RINL: variants seen among roughly 807,000 people sequenced by gnomAD.
RINL encodes Ras and Rab interactor like.
A neutral mutation model predicts 58.1 loss-of-function variants in RINL; 39 were observed. The ratio of observed to expected loss-of-function variants is 0.67; its 90% confidence interval spans 0.52 to 0.88. The LOEUF is 0.88. Ranked by LOEUF, RINL falls within the 40% of genes least tolerant of loss-of-function variation. The pLI is 0.00. For missense variants in RINL, 711 were observed against 749.2 expected (o/e 0.95, Z 0.60); for synonymous variants, 286 against 323.1 (o/e 0.89, Z 1.23).
Position 38,869,986 on chromosome 19 carries a change from C to G in RINL, c.1299G>C (p.Val433=), listed in dbSNP as rs745591768. The stretch of plus-strand genomic sequence containing the variant: ...CCAGGCCCGCATAGACATCTCTGCA[C>G]ACCTCCAAGAGGAGCGCCACCTTGC... ...PRRKVALLLE[V]CRDVYAGLAR... The change falls in exon 9 of 12, where the codon GTG becomes GTC. Residue 433 remains valine (V), a synonymous_variant. Coordinates refer to ENST00000591812, the MANE Select transcript of RINL (RefSeq NM_001195833.2). This position sits in a 1 kb window ranked among gnomAD's most constrained non-coding sequence, Gnocchi z 5.7. 11 of 1,597,504 alleles carry G rather than the reference C, an allele frequency of 6.9e-6. No individual in the cohort carries two copies. In the South Asian group the frequency reaches 1.2e-4, roughly 18 times the overall value.
In RINL at chr19:38,869,135, T is replaced by C; in HGVS notation, c.1670A>G (p.Glu557Gly). The C allele has an allele frequency of 6.2e-7, 1 of 1,612,736 alleles. No homozygotes were observed. Among genetic ancestry groups the C allele is most frequent in the South Asian group, 1.1e-5 (1 of 90,994 alleles). ...GTCACTGGTCCCTGTCACAGTCTCT[T>C]CTGCCCATGGCTCCTTAAAGGGCAG... ...ANLPFKEPWA[E>G]ETVTGTSDN The change falls in exon 12 of 12, where the codon GAA (glutamate) becomes GGA (glycine). Residue 557 changes from glutamate (E) to glycine (G), a missense_variant. Physicochemically the swap from Glu to Gly is moderately conservative, Grantham distance 98 (BLOSUM62 -2). Coordinates refer to ENST00000591812, the MANE Select transcript of RINL (RefSeq NM_001195833.2). The surrounding 1 kb of genome is among the most constrained non-coding windows in gnomAD (Gnocchi z 5.7).
intron 4 of RINL, 24 bp downstream of exon 4, chr19:38,873,861 TG>T: frequency 1.5e-6 from 2 of 1,377,324 alleles, no homozygotes; most frequent in Non-Finnish European, 2.0e-6. Flanking sequence ...GACTGTGGGC[TG>T]GAACCTCAGG....
intron 4 of RINL, chr19:38,873,419 CTGAT>C (rs567877172): frequency 1.4e-4 from 22 of 162,192 alleles, no homozygotes; most frequent in Non-Finnish European, 2.6e-4. Flanking sequence ...TGTATAACAT[CTGAT>C]TGATACTGAA....
chr19:38,869,438 G>A lies in RINL; in HGVS notation c.1475-28C>T. On this transcript the variant is annotated intron_variant, in intron 10 of 11. Coordinates refer to ENST00000591812, the MANE Select transcript of RINL (RefSeq NM_001195833.2). This position sits in a 1 kb window ranked among gnomAD's most constrained non-coding sequence, Gnocchi z 5.7. ...GGGGACAGAAAGGGAAGTCAGCTCC[G>A]CCCTCTCGGCTTCCCTGGTCGCCCC... 6.3e-7 allele frequency: 1 copy of A among 1,577,800 alleles called. No homozygotes were observed.
rs201138591 is a variant in RINL at position 38,870,737 on chromosome 19, G to A, written c.857C>T (p.Ala286Val). ...RQYRSLRVRI[A>V]SDSGGPHGSG... ...CCCGTGGGGACCCCCAGAATCTGAG[G>A]CGATGCGCACCCGAAGGCTTCGGTA... Residue 286 changes from alanine to valine, a missense_variant, in exon 8 of 12, where the codon GCC (alanine) becomes GTC (valine). Ala to Val is a moderately conservative substitution (Grantham distance 64). Coordinates refer to ENST00000591812, the MANE Select transcript of RINL (RefSeq NM_001195833.2). The surrounding 1 kb of genome is among the most constrained non-coding windows in gnomAD (Gnocchi z 5.8). The A allele has an allele frequency of 9.4e-5, 151 of 1,613,370 alleles. No individual in the cohort carries two copies. Among genetic ancestry groups the A allele is most frequent in the Middle Eastern group, 3.3e-4 (2 of 6,080 alleles).
At position 38,870,423 on chromosome 19, in the gene RINL, G is replaced by T; in HGVS notation, c.1024+147C>A. ...CATGTGTGGAAGAGTTAGCCTGGGT[G>T]TGAACTTGCGCGCATACGTGGGCGA... is the stretch of plus-strand genomic sequence containing the variant. On this transcript the variant is annotated intron_variant, in intron 8 of 11. Coordinates refer to ENST00000591812, the MANE Select transcript of RINL (RefSeq NM_001195833.2). The surrounding 1 kb of genome is among the most constrained non-coding windows in gnomAD (Gnocchi z 5.8). 9.4e-7 allele frequency: 1 copy of T among 1,064,644 alleles called. No individual in the cohort carries two copies. Among genetic ancestry groups the T allele is most frequent in the Non-Finnish European group, 1.3e-6 (1 of 763,464 alleles). The allele number at this position is 1,064,644 out of a possible 1,614,324, so 65.9% of individuals were successfully genotyped here. A position where few individuals can be genotyped will look rare whatever the true frequency, so the allele number is the denominator to read the frequency against.
At chr19:38,875,545 C>A (rs1972905100) in intron 3 of RINL, among the ~76,000 whole-genome samples, 1 of 151,312 alleles carries the variant, frequency 6.6e-6, no homozygotes, top group Non-Finnish European at 1.5e-5. Context: ...GGCGTTGTGG[C>A]AGATGCCTGT....
Position 38,869,179 on chromosome 19 carries a change from G to A in RINL, c.1639-13C>T. The A allele has an allele frequency of 6.2e-7, 1 of 1,614,156 alleles. No homozygotes were observed. Among genetic ancestry groups the A allele is most frequent in the Non-Finnish European group, 8.5e-7 (1 of 1,180,008 alleles). On this transcript the variant is annotated splice_polypyrimidine_tract_variant and intron_variant, in intron 11 of 11. Transcript: ENST00000591812. The surrounding 1 kb of genome is among the most constrained non-coding windows in gnomAD (Gnocchi z 5.7). Reference sequence around the variant, plus strand: ...AGGGCAGGTTGGCCTGTGGGGAGAGGTGGGAGCTGGGTCAGAAGGGCACCA... The same window carrying A: ...AGGGCAGGTTGGCCTGTGGGGAGAGATGGGAGCTGGGTCAGAAGGGCACCA...
rs1026136839 is a variant in RINL, at chr19:38,869,848, A to T, written c.1342+95T>A. The T allele has an allele frequency of 1.3e-6, 2 of 1,521,828 alleles. No homozygotes were observed. The highest frequency in any genetic ancestry group is 2.8e-5 in the African/African-American group (2 of 72,522). The allele number at this position is 1,521,828 out of a possible 1,614,324, so 94.3% of individuals were successfully genotyped here. On this transcript the variant is annotated intron_variant, in intron 9 of 11. Coordinates refer to ENST00000591812, the MANE Select transcript of RINL (RefSeq NM_001195833.2). The surrounding 1 kb of genome is among the most constrained non-coding windows in gnomAD (Gnocchi z 5.7). ...AGCGCCTCCTACCAGAATCTTCAGG[A>T]CCGCATAGATTCCTCCCACCAGTGC...
rs756043955 is a variant in RINL at position 38,870,279 on chromosome 19, G to T, written c.1025-19C>A. On this transcript the variant is annotated intron_variant, in intron 8 of 11. Transcript: ENST00000591812. The surrounding 1 kb of genome is among the most constrained non-coding windows in gnomAD (Gnocchi z 5.8). ...GCGGGGCCTGCGGGGTGTGGGGGACGGGTGAGCACAGGACCGCCAAGTTGT... is the reference window on the plus strand; with the variant it reads ...GCGGGGCCTGCGGGGTGTGGGGGACTGGTGAGCACAGGACCGCCAAGTTGT... 1.5e-6 allele frequency: 2 copies of T among 1,377,316 alleles called. No homozygotes were observed. Among genetic ancestry groups the T allele is most frequent in the South Asian group, 1.6e-5 (1 of 61,362 alleles). The allele number at this position is 1,377,316 out of a possible 1,614,324, so 85.3% of individuals were successfully genotyped here. A position where few individuals can be genotyped will look rare whatever the true frequency, so the allele number is the denominator to read the frequency against.
Position 38,869,325 on chromosome 19 carries a change from GA to G in RINL, c.1559del (p.Leu520ProfsTer41). On this transcript the variant is annotated frameshift_variant, in exon 11 of 12. Transcript: ENST00000591812. LOFTEE classifies it high-confidence loss of function. This position sits in a 1 kb window ranked among gnomAD's most constrained non-coding sequence, Gnocchi z 5.7. The part of the protein sequence containing the change: ...QPETDRAPRG[L>X]SSEARASLHQ... ...GCAGGGAGGCGCGGGCCTCGGAGCT[GA>G]GCCCCCGGGGAGCGCGGTCTGTTTC... is the stretch of plus-strand genomic sequence containing the variant. 1 of 1,614,012 alleles carries G rather than the reference GA, an allele frequency of 6.2e-7. No individual in the cohort carries two copies. Among genetic ancestry groups the G allele is most frequent in the Non-Finnish European group, 8.5e-7 (1 of 1,179,990 alleles).
chr19:38,871,572 C>T, intron 6 of RINL, 75 bp downstream of exon 6: 6 of 1,393,330 alleles, frequency 4.3e-6, no homozygotes, highest in Non-Finnish European at 6.0e-6. Context: ...GTCTGGGCCC[C>T]AAAGCCCCAT....
intron 3 of RINL, 128 bp downstream of exon 3, chr19:38,876,203 G>A: frequency 1.1e-6 from 1 of 870,102 alleles, no homozygotes; most frequent in Non-Finnish European, 1.7e-6. Context: ...AGGACTGCAG[G>A]CATGAGCCAT....
At position 38,870,937 on chromosome 19, in the gene RINL, C is replaced by T. The variant is rs759632119; in HGVS notation, c.657G>A (p.Pro219=). 6.2e-7 allele frequency: 1 copy of T among 1,605,266 alleles called. No individual in the cohort carries two copies. The highest frequency in any genetic ancestry group is 8.5e-7 in the Non-Finnish European group (1 of 1,179,646). ...GAGCCGGCCCAGGATGGTCCACTTC[C>T]GGGCTGAGCGGGCCTTTCACCCAGG... is the stretch of plus-strand genomic sequence containing the variant. ...GVSWVKGPLS[P]EVDHPGPALA... The change falls in exon 8 of 12, where the codon CCG becomes CCA. Residue 219 remains proline (P), a synonymous_variant. Coordinates refer to ENST00000591812, the MANE Select transcript of RINL (RefSeq NM_001195833.2). This position sits in a 1 kb window ranked among gnomAD's most constrained non-coding sequence, Gnocchi z 5.8.
In RINL at chr19:38,869,252, CTCTGGGATGATCCTT is replaced by C; in HGVS notation, c.1618_1632del (p.Lys540_Arg544del). ...GCAGCCAGATGGGCAGTCACCTGGG[CTCTGGGATGATCCTT>C]TCTGTGCAGCGTCCGCCTGCGGTGC... On this transcript the variant is annotated inframe_deletion, in exon 11 of 12. Transcript: ENST00000591812. The surrounding 1 kb of genome is among the most constrained non-coding windows in gnomAD (Gnocchi z 5.7). 1 of 1,614,088 alleles carries C rather than the reference CTCTGGGATGATCCTT, an allele frequency of 6.2e-7. No individual in the cohort carries two copies. The highest frequency in any genetic ancestry group is 8.5e-7 in the Non-Finnish European group (1 of 1,180,006).
chr19:38,871,061 G>C lies in RINL; in HGVS notation c.601+17C>G. On this transcript the variant is annotated intron_variant, in intron 7 of 11. Transcript: ENST00000591812. ...AGCTCCCTCCCCTTCAGAGGCCCAG[G>C]GCCCCGCCCAGCTAACCTGGATCAT... The C allele has an allele frequency of 6.3e-7, 1 of 1,583,978 alleles. No individual in the cohort carries two copies. The highest frequency in any genetic ancestry group is 8.6e-7 in the Non-Finnish European group (1 of 1,166,202).
Position 38,876,059 on chromosome 19 carries a change from A to ATTTT in RINL, c.210+268_210+271dup, listed in dbSNP as rs5828019. On this transcript the variant is annotated intron_variant, in intron 3 of 11. Coordinates refer to ENST00000591812, the MANE Select transcript of RINL (RefSeq NM_001195833.2). ...AGGATCCAGAGCTTCTTGAAATTAC[A>ATTTT]TTTTTTTTTTTTTTTTTTTAGACAG... is the stretch of plus-strand genomic sequence containing the variant. Among the ~76,000 whole-genome samples the ATTTT allele has an allele frequency of 5.0e-3, 688 of 138,572 alleles. 2 individuals are homozygous for ATTTT. The highest frequency in any genetic ancestry group is 0.017 in the African/African-American group (646 of 37,086). The allele number at this position is 138,572 out of a possible 152,430, so 90.9% of individuals were successfully genotyped here.
Position 38,871,105 on chromosome 19 carries a change from G to C in RINL, c.574C>G (p.Pro192Ala), listed in dbSNP as rs199783744. 5 of 1,609,168 alleles carry C rather than the reference G, an allele frequency of 3.1e-6. No homozygotes were observed. Among genetic ancestry groups the C allele is most frequent in the Non-Finnish European group, 4.2e-6 (5 of 1,177,798 alleles). ...GREQTPQETE[P>A]EAAQRHDPAP... ...GGATCATGTCTCTGAGCAGCCTCTG[G>C]CTCTGTTTCTTGAGGGGTCTGCTCC... Residue 192 changes from proline (P) to alanine (A), a missense_variant, in exon 7 of 12, where the codon CCA becomes GCA. Pro to Ala is a conservative substitution (Grantham distance 27). Transcript: ENST00000591812.
In RINL at chr19:38,869,885, G is replaced by T. The variant is rs1600089022; in HGVS notation, c.1342+58C>A. ...CCTCCCACCAGTGCTACCCTCTCCC[G>T]CCTGGCTCCAACTCTCAAGGCTCTC... On this transcript the variant is annotated intron_variant, in intron 9 of 11. Coordinates refer to ENST00000591812, the MANE Select transcript of RINL (RefSeq NM_001195833.2). The surrounding 1 kb of genome is among the most constrained non-coding windows in gnomAD (Gnocchi z 5.7). 1.3e-6 allele frequency: 2 copies of T among 1,541,552 alleles called. No homozygotes were observed. The highest frequency in any genetic ancestry group is 2.4e-5 in the East Asian group (1 of 41,364).
Sources: allele counts gnomAD v4.1 joint callset (sites outside exome capture counted in the v4.1 genomes callset), GRCh38; gene constraint gnomAD v4.1.1; non-coding constraint Gnocchi (gnomAD v3.1); transcripts MANE v1.5; gene names NCBI Gene and HGNC (gene_info 2026-07-23, HGNC 2026-07-21).